The following PALM variants were observed in gnomAD, a reference collection of about 807,000 sequenced individuals.
PALM encodes paralemmin, also known as paralemmin-1.
PALM carries 18 observed loss-of-function variants against 30.7 expected under a neutral mutation model. The ratio of observed to expected loss-of-function variants is 0.59; its 90% CI spans 0.41 to 0.87. The LOEUF (loss-of-function observed/expected upper bound fraction) is 0.87. Ranked by LOEUF, PALM falls within the 40% of genes least tolerant of loss-of-function variation. The pLI, the probability that PALM is intolerant of heterozygous loss-of-function variation, is 0.00. For missense variants in PALM, 529 were observed against 555.4 expected (o/e 0.95, Z 0.48); for synonymous variants, 286 against 242.8 (o/e 1.18, Z -1.66).
chr19:711,476 A>G (rs1440273858), intron 1 of PALM, among the ~76,000 whole-genome samples: 2 of 152,190 alleles, frequency 1.3e-5, no homozygotes, highest in Non-Finnish European at 2.9e-5. Flanking sequence ...GAAATTTTCA[A>G]TAGGAAAGTC....
chr19:730,137 C>A (rs1353187064), intron 4 of PALM, among the ~76,000 whole-genome samples: 1 of 152,196 alleles, frequency 6.6e-6, no homozygotes. Context: ...TGCCCAGGCA[C>A]CTCCTGCAGG....
rs1174930376 is a variant in PALM, at chr19:747,606, C to G, written c.*792C>G. The G allele has an allele frequency of 6.5e-6, 1 of 153,108 alleles. No individual in the cohort carries two copies. Among genetic ancestry groups the G allele is most frequent in the East Asian group, 1.9e-4 (1 of 5,196 alleles). 9.5% of individuals were successfully genotyped at this position (153,108 alleles called of 1,614,324 possible). On this transcript the variant is annotated 3_prime_UTR_variant, in exon 9 of 9. Transcript: ENST00000338448. ...CCCGAGCTCCCGCCCCCACTGGGCC[C>G]TCCTTCCTCCTGGTGCTAATTTGGG...
chr19:719,438 C>G lies in PALM; in HGVS notation c.6-6700C>G, dbSNP rs1157828772. The G allele has an allele frequency of 4.1e-6, 4 of 985,402 alleles. No individual in the cohort carries two copies. In the South Asian group the frequency reaches 1.9e-4, roughly 46 times the overall value. The allele number at this position is 985,402 out of a possible 1,614,324, so 61.0% of individuals were successfully genotyped here. ...CACCGCCACACGCCGTAAAAAGCAT[C>G]GCGGGGACGGGAGGCCTGTGCGCGC... On this transcript the variant is annotated intron_variant, in intron 1 of 8. Transcript: ENST00000338448.
At position 709,998 on chromosome 19, in the gene PALM, CT is replaced by C. The variant is rs1312884065; in HGVS notation, c.5+848del. ...CCCTCCTCCCGGTGCTCGGGTGCCC[CT>C]CTGCCCCTCACTCCCACAGGTGGGC... is the stretch of plus-strand genomic sequence containing the variant. On this transcript the variant is annotated intron_variant, in intron 1 of 8. Coordinates refer to ENST00000338448, the MANE Select transcript of PALM (RefSeq NM_002579.3). This position sits in a 1 kb window ranked among gnomAD's most constrained non-coding sequence, Gnocchi z 4.3. Among the ~76,000 whole-genome samples, 8 of 152,296 alleles carry C rather than the reference CT, an allele frequency of 5.3e-5. No individual in the cohort carries two copies. In the East Asian group the frequency reaches 1.4e-3, roughly 26 times the overall value.
chr19:728,030 A>G (rs62131300), intron 4 of PALM, among the ~76,000 whole-genome samples: 28 of 94,678 alleles, frequency 3.0e-4, no homozygotes, highest in African/African-American at 9.6e-4. Flanking sequence ...GGGGGACGTG[A>G]CGTCGAGCTC....
rs567662117 is a variant in PALM, at chr19:738,726, C to T, written c.503-1626C>T. Among the ~76,000 whole-genome samples, 5 of 152,204 alleles carry T rather than the reference C, an allele frequency of 3.3e-5. No individual in the cohort carries two copies. The South Asian group carries it at 6.2e-4, about 19-fold the overall frequency. Reference sequence around the variant, plus strand: ...GAGCCGAGTGCCTGGGCGAGGTCCCCGGCGCAGAGCAGAGTCCAGGGCCGC... The same window carrying T: ...GAGCCGAGTGCCTGGGCGAGGTCCCTGGCGCAGAGCAGAGTCCAGGGCCGC... On this transcript the variant is annotated intron_variant, in intron 7 of 8. Transcript: ENST00000338448.
intron 7 of PALM, among the ~76,000 whole-genome samples, chr19:736,811 T>C (rs1322408277): frequency 1.3e-5 from 2 of 152,028 alleles, no homozygotes; most frequent in African/African-American, 4.8e-5. Context: ...CCCAGCACTT[T>C]GGGAGGCCGA....
At chr19:736,922 G>A (rs1397048142) in intron 7 of PALM, among the ~76,000 whole-genome samples, 1 of 152,224 alleles carries the variant, frequency 6.6e-6, no homozygotes, top group African/African-American at 2.4e-5. Context: ...GCATGGTGGT[G>A]CACGCCTGTA....
chr19:719,267 T>A (rs1163480880), intron 1 of PALM: 1 of 984,978 alleles, frequency 1.0e-6, no homozygotes, highest in Non-Finnish European at 1.2e-6. Context: ...TTGCGTAACC[T>A]CTCTGGGCCC....
At chr19:720,227 G>C (rs975877988) in intron 1 of PALM, among the ~76,000 whole-genome samples, 8 of 151,950 alleles carry the variant, frequency 5.3e-5, no homozygotes, top group Non-Finnish European at 1.0e-4. Context: ...GCCGGGCCTC[G>C]GCGTTGCCAT....
chr19:713,648 G>A (rs1175318162), intron 1 of PALM, among the ~76,000 whole-genome samples: 4 of 152,138 alleles, frequency 2.6e-5, no homozygotes, highest in Non-Finnish European at 4.4e-5. Flanking sequence ...GTGTGATCTC[G>A]GCTTATAGCA....
At chr19:736,776 G>A (rs1472165748) in intron 7 of PALM, among the ~76,000 whole-genome samples, 2 of 152,092 alleles carry the variant, frequency 1.3e-5, no homozygotes, top group African/African-American at 2.4e-5. Context: ...AGGGCCGGGC[G>A]TGGTGGCTCA....
chr19:709,064 TC>T lies in PALM; in HGVS notation c.-78del, dbSNP rs1346954063. ...CCGCCCCGGCCCCCGCCAGGCCGCG[TC>T]CCCCTCCCCTCCCCTCCCCCGCGCG... On this transcript the variant is annotated 5_prime_UTR_variant, in exon 1 of 9. Coordinates refer to ENST00000338448, the MANE Select transcript of PALM (RefSeq NM_002579.3). This position sits in a 1 kb window ranked among gnomAD's most constrained non-coding sequence, Gnocchi z 4.3. The T allele has an allele frequency of 5.6e-3, 1,181 of 211,752 alleles. 17 individuals carry two copies. Among genetic ancestry groups the T allele is most frequent in the African/African-American group, 0.028 (1,124 of 40,758 alleles). The allele number at this position is 211,752 out of a possible 1,614,324, so 13.1% of individuals were successfully genotyped here.
intron 1 of PALM, among the ~76,000 whole-genome samples, chr19:721,280 T>C (rs1281907995): frequency 2.0e-5 from 3 of 152,122 alleles, no homozygotes; most frequent in Non-Finnish European, 4.4e-5. Flanking sequence ...ATTATTGTTA[T>C]TTTGAGATAG....
chr19:730,090 G>T (rs1197625894), intron 4 of PALM, among the ~76,000 whole-genome samples: 4 of 152,194 alleles, frequency 2.6e-5, no homozygotes, highest in Non-Finnish European at 5.9e-5. Flanking sequence ...AGCTGCTCTG[G>T]GTCTCCACTA....
At chr19:718,372 C>T (rs771596796) in intron 1 of PALM, among the ~76,000 whole-genome samples, 1 of 152,112 alleles carries the variant, frequency 6.6e-6, no homozygotes, top group Non-Finnish European at 1.5e-5. Context: ...CACAATGGCC[C>T]TGCAGTGGGA....
intron 8 of PALM, among the ~76,000 whole-genome samples, chr19:741,520 GGGGTGAGGGGAGA>G: frequency 2.0e-3 from 6 of 3,030 alleles, no homozygotes; most frequent in Non-Finnish European, 3.3e-3. Context: ...GAGGGGAGAC[GGGGTGAGGGGAGA>G]CGGGCTGCAG....
intron 6 of PALM, among the ~76,000 whole-genome samples, chr19:735,800 C>T (rs961643932): frequency 4.8e-5 from 6 of 124,850 alleles, no homozygotes; most frequent in East Asian, 5.4e-4. Context: ...TGCCTGTGTC[C>T]GGGTGTCTGG....
rs760993265 is a variant in PALM at position 726,158 on chromosome 19, C to T, written c.26C>T (p.Thr9Met). The T allele has an allele frequency of 1.7e-5, 27 of 1,612,994 alleles. No individual in the cohort carries two copies. The highest frequency in any genetic ancestry group is 1.0e-4 in the Admixed American group (6 of 59,998). The part of the protein sequence containing the change: MEVLAAET[T>M]SQQERLQAIA... Reference sequence around the variant, plus strand: ...CGCAGGGTCCTGGCGGCAGAGACCACGTCCCAGCAGGAGCGGCTGCAGGCC... The same window carrying T: ...CGCAGGGTCCTGGCGGCAGAGACCATGTCCCAGCAGGAGCGGCTGCAGGCC... Residue 9 changes from threonine (T) to methionine (M), a missense_variant, in exon 2 of 9, where the codon ACG becomes ATG. Coordinates refer to ENST00000338448, the MANE Select transcript of PALM (RefSeq NM_002579.3).
Sources: gnomAD v4.1 joint callset for allele counts (sites outside exome capture counted in the v4.1 genomes callset) on GRCh38, gnomAD v4.1.1 for gene constraint, Gnocchi (gnomAD v3.1) non-coding constraint, MANE v1.5 for transcripts, NCBI Gene and HGNC (gene_info 2026-07-23, HGNC 2026-07-21) for gene names.